The following ADGRA3 variants were observed in gnomAD, a reference collection of about 807,000 sequenced individuals.
ADGRA3 encodes G-protein coupled receptor 125.
Under a neutral mutation model 119.8 loss-of-function variants are expected in ADGRA3, and 56 were observed. The observed-to-expected ratio is 0.47, with a 90% CI of 0.38 to 0.58. ADGRA3 has a LOEUF of 0.58. ADGRA3 is among the 20% of genes least tolerant of loss of function. The probability of loss-of-function intolerance (pLI) is 0.00; values close to 1 mark genes in which losing one functional copy is unlikely to be tolerated. For missense variants in ADGRA3, 1,516 were observed against 1,649.0 expected, an observed-to-expected ratio of 0.92 and a Z score of 1.40; for synonymous variants, 607 against 623.8, an observed-to-expected ratio of 0.97 and a Z score of 0.40.
chr4:22,438,920 G>A (rs1246752748), intron 7 of ADGRA3, among the ~76,000 whole-genome samples: 2 of 152,094 alleles, frequency 1.3e-5, no homozygotes, highest in Admixed American at 1.3e-4. Flanking sequence ...AGGATGGCTT[G>A]AACCCAGGAG....
intron 1 of ADGRA3, among the ~76,000 whole-genome samples, chr4:22,485,440 T>C (rs947388485): frequency 1.3e-5 from 2 of 152,186 alleles, no homozygotes; most frequent in Non-Finnish European, 2.9e-5. Flanking sequence ...AGATGCTTTT[T>C]TTTTTCTTTA....
intron 14 of ADGRA3, among the ~76,000 whole-genome samples, chr4:22,404,988 G>A (rs1358798130): frequency 9.9e-5 from 15 of 152,052 alleles, no homozygotes; most frequent in Admixed American, 7.2e-4. Context: ...TTAGATTACT[G>A]CAGGAAATGT....
chr4:22,407,169 G>C (rs1714977444), intron 14 of ADGRA3, among the ~76,000 whole-genome samples: 2 of 152,204 alleles, frequency 1.3e-5, no homozygotes. Flanking sequence ...TACGCAGGAG[G>C]CTGAGGCAGA....
rs554770150 is a variant in ADGRA3, at chr4:22,493,822, A to C, written c.258-19979T>G. ...TCATAGGATAAAAAAGGTCGGCATA[A>C]GATACAGGTCATAAAAAACCTCGCT... On this transcript the variant is annotated intron_variant, in intron 1 of 18. Coordinates refer to ENST00000334304, the MANE Select transcript of ADGRA3 (RefSeq NM_145290.4). 1.2e-4 allele frequency among the ~76,000 whole-genome samples: 19 copies of C among 152,260 alleles called. No individual in the cohort carries two copies. The South Asian group carries it at 3.7e-3, about 30-fold the overall frequency.
In ADGRA3 at chr4:22,388,504, G is replaced by C. The variant is rs200161840; in HGVS notation, c.3167C>G (p.Ala1056Gly). The C allele has an allele frequency of 2.5e-6, 4 of 1,614,064 alleles. No homozygotes were observed. The highest frequency in any genetic ancestry group is 1.3e-5 in the African/African-American group (1 of 75,026). The change falls in exon 19 of 19, where the codon GCG (alanine) becomes GGG (glycine). Residue 1056 changes from alanine (A) to glycine (G), a missense_variant. Ala to Gly is a moderately conservative substitution (Grantham distance 60). Around this residue, in one of 2 missense-constraint regions of ADGRA3, gnomAD observed 1,088 missense variants for 1,107.1 expected, o/e 0.98. Coordinates refer to ENST00000334304, the MANE Select transcript of ADGRA3 (RefSeq NM_145290.4). ...HCVNREDVRL[A>G]WIMTCCPGRS... is the part of the protein sequence containing the mutation. Reference sequence around the variant, plus strand: ...TCCTGGGCAGCAAGTCATGATCCACGCAAGTCTAACATCCTCCCTATTAAC... The same window carrying C: ...TCCTGGGCAGCAAGTCATGATCCACCCAAGTCTAACATCCTCCCTATTAAC...
chr4:22,501,940 T>A (rs1198939970), intron 1 of ADGRA3, among the ~76,000 whole-genome samples: 1 of 151,196 alleles, frequency 6.6e-6, no homozygotes, highest in Non-Finnish European at 1.5e-5. Flanking sequence ...TTTTTCCCCA[T>A]CAAGGAGCTC....
chr4:22,402,476 A>G (rs1336183916), intron 15 of ADGRA3, among the ~76,000 whole-genome samples, 199 bp downstream of exon 15: 1 of 152,144 alleles, frequency 6.6e-6, no homozygotes, highest in Non-Finnish European at 1.5e-5. Flanking sequence ...GATGCTGTAA[A>G]AACAGAATTT....
chr4:22,496,363 G>C (rs1274579598), intron 1 of ADGRA3, among the ~76,000 whole-genome samples: 2 of 152,128 alleles, frequency 1.3e-5, no homozygotes, highest in Non-Finnish European at 2.9e-5. Context: ...GATCTCATTA[G>C]GGAACTATGA....
intron 16 of ADGRA3, among the ~76,000 whole-genome samples, chr4:22,400,178 AGG>A (rs1714551635): frequency 6.6e-6 from 1 of 152,198 alleles, no homozygotes; most frequent in South Asian, 2.1e-4. Flanking sequence ...CCCAATTTAT[AGG>A]TGAGAAAACT....
chr4:22,502,424 C>T (rs1719079180), intron 1 of ADGRA3, among the ~76,000 whole-genome samples: 1 of 152,126 alleles, frequency 6.6e-6, no homozygotes, highest in South Asian at 2.1e-4. Context: ...AGATATATCA[C>T]ATGCAGAATG....
intron 4 of ADGRA3, among the ~76,000 whole-genome samples, chr4:22,451,639 A>C (rs1717046268): frequency 2.0e-5 from 3 of 151,938 alleles, no homozygotes; most frequent in Admixed American, 2.0e-4. Flanking sequence ...TTAAATTTCC[A>C]AAGCCAAGAC....
intron 3 of ADGRA3, chr4:22,455,901 G>T: frequency 1.0e-6 from 1 of 954,340 alleles, no homozygotes; most frequent in Non-Finnish European, 1.4e-6. Context: ...TTTATTAGTT[G>T]CTAGACTTGG....
intron 1 of ADGRA3, among the ~76,000 whole-genome samples, chr4:22,485,435 CT>C (rs561498551): frequency 2.4e-4 from 36 of 150,002 alleles, no homozygotes; most frequent in Admixed American, 1.4e-3. Context: ...CCATTAGATG[CT>C]TTTTTTTTTC....
intron 2 of ADGRA3, among the ~76,000 whole-genome samples, chr4:22,471,703 C>T (rs1717863604): frequency 6.6e-6 from 1 of 151,958 alleles, no homozygotes; most frequent in South Asian, 2.1e-4. Flanking sequence ...GGTCAACACT[C>T]GGTTTTCACA....
At chr4:22,417,473 C>T (rs182589917) in intron 12 of ADGRA3, among the ~76,000 whole-genome samples, 1 of 152,154 alleles carries the variant, frequency 6.6e-6, no homozygotes, top group African/African-American at 2.4e-5. Flanking sequence ...CTCACTTAAT[C>T]CTCTCAACAA....
intron 6 of ADGRA3, among the ~76,000 whole-genome samples, chr4:22,444,136 A>G (rs889887137): frequency 1.3e-5 from 2 of 152,022 alleles, no homozygotes; most frequent in African/African-American, 4.8e-5. Context: ...AGCTGCATTC[A>G]CTGAATGGAT....
chr4:22,491,658 C>T (rs1577380393), intron 1 of ADGRA3, among the ~76,000 whole-genome samples: 2 of 152,102 alleles, frequency 1.3e-5, no homozygotes, highest in South Asian at 2.1e-4. Flanking sequence ...GTCCTTTAAG[C>T]GAGAATCTCG....
chr4:22,506,414 A>G (rs1347048486), intron 1 of ADGRA3, among the ~76,000 whole-genome samples: 3 of 152,136 alleles, frequency 2.0e-5, no homozygotes, highest in Non-Finnish European at 4.4e-5. Flanking sequence ...TTAGCCAGGC[A>G]TGGTGGTGCG....
chr4:22,467,494 C>T (rs991329086), intron 2 of ADGRA3, among the ~76,000 whole-genome samples: 2 of 152,130 alleles, frequency 1.3e-5, no homozygotes, highest in African/African-American at 4.8e-5. Context: ...TAAAAACACA[C>T]GTTTCCCTTT....
Sources: allele counts gnomAD v4.1 joint callset (sites outside exome capture counted in the v4.1 genomes callset), GRCh38; gene constraint gnomAD v4.1.1; regional missense constraint gnomAD v4.1.1; transcripts MANE v1.5; gene names NCBI Gene and HGNC (gene_info 2026-07-23, HGNC 2026-07-21).